The following KIFC3 variants were observed in gnomAD, a reference collection of about 807,000 sequenced individuals.
KIFC3 encodes kinesin family member C3, also known as kinesin-like protein KIFC3.
In KIFC3, 60 loss-of-function variants were observed where a neutral mutation model predicts 101.8. The ratio of observed to expected loss-of-function variants is 0.59; its 90% confidence interval spans 0.48 to 0.73. The LOEUF (loss-of-function observed/expected upper bound fraction) is 0.73, where lower values mean the gene tolerates loss of function less well. KIFC3 is among the 30% of genes least tolerant of loss of function. The pLI is 0.00. For synonymous variants in KIFC3, 476 were observed against 482.7 expected, an observed-to-expected ratio of 0.99 and a Z score of 0.18; for missense variants, 966 against 1,137.1, an observed-to-expected ratio of 0.85 and a Z score of 2.16.
At chr16:57,855,748 C>T (rs914075530) in intron 1 of KIFC3, among the ~76,000 whole-genome samples, 18 of 151,892 alleles carry the variant, frequency 1.2e-4, no homozygotes, top group African/African-American at 4.4e-4. Flanking sequence ...GAGTTCGAGA[C>T]CAGCCTGGCC....
chr16:57,769,773 G>A lies in KIFC3; in HGVS notation c.1087+35C>T, dbSNP rs782783390. 17 of 1,612,584 alleles carry A rather than the reference G, an allele frequency of 1.1e-5. No individual in the cohort carries two copies. In the South Asian group the frequency reaches 1.3e-4, roughly 13 times the overall value. On this transcript the variant is annotated intron_variant, in intron 8 of 19. Transcript: ENST00000445690. This position sits in a 1 kb window ranked among gnomAD's most constrained non-coding sequence, Gnocchi z 4.3. The stretch of plus-strand genomic sequence containing the variant: ...AGGCGGGAGGGGATGAGGGGCCGCG[G>A]CGTGGGGCAGACAGGGCCCAGCTGG...
At chr16:57,791,317 A>T (rs1198842176) in intron 3 of KIFC3, among the ~76,000 whole-genome samples, 2 of 152,238 alleles carry the variant, frequency 1.3e-5, no homozygotes, top group Non-Finnish European at 2.9e-5. Context: ...CTTGTGAGCC[A>T]TGGCGGCAAG....
chr16:57,781,492 G>A (rs1555614678), intron 3 of KIFC3, among the ~76,000 whole-genome samples: 1 of 152,210 alleles, frequency 6.6e-6, no homozygotes. Flanking sequence ...AACAGCCACA[G>A]CCTCCTGTGG....
intron 3 of KIFC3, chr16:57,782,210 A>G (rs1169429005): frequency 1.1e-6 from 1 of 906,790 alleles, no homozygotes; most frequent in Non-Finnish European, 1.3e-6. Flanking sequence ...ATCCACCCCC[A>G]AACTGCAATG....
intron 4 of KIFC3, among the ~76,000 whole-genome samples, 180 bp downstream of exon 4, chr16:57,772,043 T>C (rs1471404704): frequency 1.3e-5 from 2 of 151,914 alleles, no homozygotes; most frequent in Non-Finnish European, 2.9e-5. Flanking sequence ...TCCCACCCCC[T>C]GGAGCCACAA....
chr16:57,780,590 A>AT, intron 3 of KIFC3, among the ~76,000 whole-genome samples: 1 of 150,780 alleles, frequency 6.6e-6, no homozygotes, highest in Middle Eastern at 3.4e-3. Context: ...AAAAAAAAAA[A>AT]AAGAAGAAGG....
At chr16:57,827,509 C>G (rs2055483935) in intron 1 of KIFC3, among the ~76,000 whole-genome samples, 1 of 152,238 alleles carries the variant, frequency 6.6e-6, no homozygotes. Context: ...TCATCCCTTC[C>G]CTTCTCCTGC....
Position 57,769,570 on chromosome 16 carries a change from C to T in KIFC3, c.1218+25G>A, listed in dbSNP as rs868940159. ...CCCAGTGCACCCCCTTAGCCTGGAC[C>T]CTCCCACCCACTGCCCTCGCTCACC... On this transcript the variant is annotated intron_variant, in intron 9 of 19. Coordinates refer to ENST00000445690, the MANE Select transcript of KIFC3 (RefSeq NM_001130100.2). This position sits in a 1 kb window ranked among gnomAD's most constrained non-coding sequence, Gnocchi z 4.3. 1 of 1,599,052 alleles carries T rather than the reference C, an allele frequency of 6.3e-7. No homozygotes were observed. The highest frequency in any genetic ancestry group is 1.3e-5 in the African/African-American group (1 of 74,838).
chr16:57,804,955 A>C (rs1184174398), upstream of KIFC3, among the ~76,000 whole-genome samples: 5 of 147,434 alleles, frequency 3.4e-5, no homozygotes, highest in African/African-American at 1.3e-4. Flanking sequence ...CCCAAGCTGG[A>C]GTGCAGTGGG....
chr16:57,842,932 A>T (rs1274181027), intron 1 of KIFC3, among the ~76,000 whole-genome samples: 1 of 152,132 alleles, frequency 6.6e-6, no homozygotes, highest in Non-Finnish European at 1.5e-5. Flanking sequence ...CAGGAGTTTG[A>T]GACCAGCTTG....
chr16:57,823,965 G>A (rs555044757), intron 1 of KIFC3, among the ~76,000 whole-genome samples: 14 of 152,214 alleles, frequency 9.2e-5, no homozygotes, highest in Admixed American at 6.5e-4. Context: ...GAAAAATTGC[G>A]AGAATAAAGT....
chr16:57,850,478 T>G (rs1218464790), intron 1 of KIFC3, among the ~76,000 whole-genome samples: 2 of 137,132 alleles, frequency 1.5e-5, no homozygotes, highest in African/African-American at 2.7e-5. Context: ...TTTTTTTTTT[T>G]TTTTTTTTTT....
chr16:57,783,088 C>CGG (rs2052915674), intron 3 of KIFC3, among the ~76,000 whole-genome samples: 3 of 152,178 alleles, frequency 2.0e-5, no homozygotes, highest in Non-Finnish European at 4.4e-5. Context: ...GCTCAAATAA[C>CGG]TAAAAAGGCT....
At position 57,760,843 on chromosome 16, in the gene KIFC3, C is replaced by T. The variant is rs1196652271; in HGVS notation, c.2115G>A (p.Gly705=). 1 of 1,613,164 alleles carries T rather than the reference C, an allele frequency of 6.2e-7. No individual in the cohort carries two copies. Among genetic ancestry groups the T allele is most frequent in the Non-Finnish European group, 8.5e-7 (1 of 1,179,996 alleles). The change falls in exon 16 of 20, where the codon GGG becomes GGA. Residue 705 remains glycine, a synonymous_variant. Coordinates refer to ENST00000445690, the MANE Select transcript of KIFC3 (RefSeq NM_001130100.2). The part of the protein sequence containing the change: ...QHINKSLSAL[G]DVIAALRSRQ... ...GGGAGCGCAGGGCAGCAATGACGTC[C>T]CCCAGAGCCGACAGCGACTTGTTGA...
At chr16:57,762,822 C>T (rs1426278801) in intron 12 of KIFC3, among the ~76,000 whole-genome samples, 6 of 151,808 alleles carry the variant, frequency 4.0e-5, no homozygotes, top group African/African-American at 1.5e-4. Context: ...GCACCTCTCA[C>T]TCACTCTCTA....
intron 1 of KIFC3, among the ~76,000 whole-genome samples, chr16:57,798,801 C>A (rs1420419379): frequency 6.6e-6 from 1 of 152,182 alleles, no homozygotes; most frequent in Non-Finnish European, 1.5e-5. Flanking sequence ...CTGACTGTGG[C>A]CAATGACAAG....
chr16:57,758,390 C>G lies in KIFC3; in HGVS notation c.*544G>C, dbSNP rs1335230918. The G allele has an allele frequency of 2.9e-6, 1 of 350,304 alleles. No homozygotes were observed. Among genetic ancestry groups the G allele is most frequent in the African/African-American group, 2.1e-5 (1 of 46,606 alleles). The allele number at this position is 350,304 out of a possible 1,614,324, so 21.7% of individuals were successfully genotyped here. A position where few individuals can be genotyped will look rare whatever the true frequency, so the allele number is the denominator to read the frequency against. On this transcript the variant is annotated 3_prime_UTR_variant, in exon 20 of 20. Coordinates refer to ENST00000445690, the MANE Select transcript of KIFC3 (RefSeq NM_001130100.2). Reference sequence around the variant, plus strand: ...TCTGCCAGCCATAAACACAGCACGGCCCCGTGGCGGGAGGCCATGCGCCTC... The same window carrying G: ...TCTGCCAGCCATAAACACAGCACGGGCCCGTGGCGGGAGGCCATGCGCCTC...
At chr16:57,800,572 T>C (rs144928471) in intron 1 of KIFC3, among the ~76,000 whole-genome samples, 3 of 151,998 alleles carry the variant, frequency 2.0e-5, no homozygotes, top group Middle Eastern at 3.4e-3. Flanking sequence ...GACTCCACAG[T>C]GGACAGAGAA....
chr16:57,847,603 C>A (rs1371319029), intron 1 of KIFC3, among the ~76,000 whole-genome samples: 2 of 152,092 alleles, frequency 1.3e-5, no homozygotes, highest in Non-Finnish European at 2.9e-5. Flanking sequence ...CACAAACACA[C>A]AGGGCTGCCC....
Sources: allele counts gnomAD v4.1 joint callset (sites outside exome capture counted in the v4.1 genomes callset), GRCh38; gene constraint gnomAD v4.1.1; non-coding constraint Gnocchi (gnomAD v3.1); transcripts MANE v1.5; gene names NCBI Gene and HGNC (gene_info 2026-07-23, HGNC 2026-07-21).